CSMD1: variants seen among roughly 807,000 people sequenced by gnomAD.
The protein encoded by CSMD1 is CUB and sushi domain-containing protein 1.
CSMD1 carries 213 observed loss-of-function variants against 417.5 expected under a neutral mutation model. The observed-to-expected ratio is 0.51, with a 90% CI of 0.46 to 0.57. The LOEUF (loss-of-function observed/expected upper bound fraction) is 0.57, where lower values mean the gene tolerates loss of function less well. CSMD1 is among the 20% of genes least tolerant of loss of function. The pLI is 0.00. For synonymous variants in CSMD1, 2,862 were observed against 1,736.8 expected, an observed-to-expected ratio of 1.65 and a Z score of -16.11; for missense variants, 6,923 against 4,529.7, an observed-to-expected ratio of 1.53 and a Z score of -15.17.
chr8:4,773,384 T>G (rs369546600), intron 1 of CSMD1, among the ~76,000 whole-genome samples: 2 of 152,070 alleles, frequency 1.3e-5, no homozygotes, highest in African/African-American at 2.4e-5. Flanking sequence ...GACCAGAAAA[T>G]CCCAATAGCT....
In CSMD1 at chr8:3,087,110, C is replaced by T. The variant is rs781236891; in HGVS notation, c.7461G>A (p.Thr2487=). ...PLGMYQWDSL[T]PLCQAVSCGI... ...CGCATTTCTTACCCTGGCAGAGTGG[C>T]GTGAGGGAGTCCCACTGGTACATGC... The change falls in exon 49 of 70, where the codon ACG becomes ACA. Residue 2487 remains threonine (T), a synonymous_variant. Coordinates refer to ENST00000635120, the MANE Select transcript of CSMD1 (RefSeq NM_033225.6). The T allele has an allele frequency of 1.3e-5, 21 of 1,613,138 alleles. No homozygotes were observed. The highest frequency in any genetic ancestry group is 1.8e-4 in the Middle Eastern group (1 of 5,550).
chr8:3,315,162 A>G (rs559002191), intron 23 of CSMD1, among the ~76,000 whole-genome samples: 1 of 152,288 alleles, frequency 6.6e-6, no homozygotes, highest in South Asian at 2.1e-4. Context: ...CTCTCATGTG[A>G]AAAAAAGGGA....
intron 1 of CSMD1, among the ~76,000 whole-genome samples, chr8:4,789,734 T>C (rs1420621108): frequency 2.0e-5 from 3 of 152,198 alleles, no homozygotes; most frequent in Non-Finnish European, 4.4e-5. Context: ...TGTATAGCAA[T>C]GCTCCCAACA....
chr8:3,008,645 A>T (rs752449673), intron 52 of CSMD1, among the ~76,000 whole-genome samples: 3 of 152,106 alleles, frequency 2.0e-5, no homozygotes, highest in Non-Finnish European at 1.5e-5. Flanking sequence ...TGGGTGACCT[A>T]TGTTTTCTGG....
At chr8:3,926,631 A>T (rs1046007612) in intron 5 of CSMD1, among the ~76,000 whole-genome samples, 3 of 151,622 alleles carry the variant, frequency 2.0e-5, no homozygotes, top group Non-Finnish European at 4.4e-5. Flanking sequence ...TATGAAAAGC[A>T]TATTATTAGA....
At chr8:3,737,244 C>T (rs994336841) in intron 6 of CSMD1, among the ~76,000 whole-genome samples, 1 of 152,040 alleles carries the variant, frequency 6.6e-6, no homozygotes, top group Non-Finnish European at 1.5e-5. Context: ...TAGAGATAAG[C>T]CGATTGGGAG....
chr8:4,455,087 T>G (rs974845763), intron 2 of CSMD1, among the ~76,000 whole-genome samples: 1 of 152,074 alleles, frequency 6.6e-6, no homozygotes, highest in Non-Finnish European at 1.5e-5. Flanking sequence ...ATACAGGAAT[T>G]TTTTCTTAAG....
intron 3 of CSMD1, among the ~76,000 whole-genome samples, chr8:4,371,287 C>A (rs1489375604): frequency 6.6e-6 from 1 of 152,102 alleles, no homozygotes; most frequent in Non-Finnish European, 1.5e-5. Flanking sequence ...TGCGCCTCTG[C>A]TGGGCTGGAG....
At chr8:4,417,381 A>C (rs1797003116) in intron 3 of CSMD1, among the ~76,000 whole-genome samples, 1 of 151,964 alleles carries the variant, frequency 6.6e-6, no homozygotes, top group Non-Finnish European at 1.5e-5. Flanking sequence ...TGTCCGGATT[A>C]TGTTTATTCC....
chr8:3,163,412 AG>A (rs2129040847), intron 37 of CSMD1, among the ~76,000 whole-genome samples: 1 of 151,264 alleles, frequency 6.6e-6, no homozygotes, highest in East Asian at 2.0e-4. Flanking sequence ...GTTAATCAGA[AG>A]GAAAAAAAAA....
intron 1 of CSMD1, chr8:4,788,032 G>T (rs553012425): frequency 1.3e-6 from 2 of 1,589,360 alleles, no homozygotes; most frequent in Non-Finnish European, 1.7e-6. Context: ...ACTCCTGAAG[G>T]GCTCCAAATG....
chr8:4,313,529 C>T (rs935250814), intron 3 of CSMD1, among the ~76,000 whole-genome samples: 7 of 148,520 alleles, frequency 4.7e-5, no homozygotes, highest in Middle Eastern at 3.5e-3. Context: ...AAAAATCACG[C>T]GTAGGTCACA....
intron 11 of CSMD1, among the ~76,000 whole-genome samples, chr8:3,476,538 T>G (rs1353324030): frequency 6.6e-6 from 1 of 152,134 alleles, no homozygotes; most frequent in Non-Finnish European, 1.5e-5. Flanking sequence ...GCGGTACCAC[T>G]TGGCTTTTCC....
At chr8:4,262,627 CG>C (rs1235048359) in intron 3 of CSMD1, among the ~76,000 whole-genome samples, 7 of 152,106 alleles carry the variant, frequency 4.6e-5, no homozygotes, top group Non-Finnish European at 1.0e-4. Context: ...AAACAGCCAT[CG>C]CCACCCAGTT....
chr8:2,948,239 C>T (rs1802386588), intron 68 of CSMD1, among the ~76,000 whole-genome samples: 1 of 151,988 alleles, frequency 6.6e-6, no homozygotes, highest in African/African-American at 2.4e-5. Context: ...ATGCACAAAG[C>T]AATGCTTACG....
intron 7 of CSMD1, among the ~76,000 whole-genome samples, chr8:3,683,860 T>A (rs1230822629): frequency 2.0e-5 from 3 of 152,084 alleles, no homozygotes; most frequent in African/African-American, 7.2e-5. Flanking sequence ...TCATGAATGT[T>A]AAGCTCGCAG....
At chr8:4,250,101 C>G (rs947581280) in intron 3 of CSMD1, among the ~76,000 whole-genome samples, 2 of 152,164 alleles carry the variant, frequency 1.3e-5, no homozygotes, top group African/African-American at 4.8e-5. Context: ...CATGGGATGA[C>G]TCAGCAAGAA....
chr8:4,764,474 A>C (rs1563325616), intron 1 of CSMD1, among the ~76,000 whole-genome samples: 1 of 152,206 alleles, frequency 6.6e-6, no homozygotes, highest in Non-Finnish European at 1.5e-5. Context: ...TATTCTTAAA[A>C]GTATTAAGTC....
At chr8:3,355,924 A>G (rs979472605) in intron 21 of CSMD1, among the ~76,000 whole-genome samples, 5 of 152,200 alleles carry the variant, frequency 3.3e-5, no homozygotes, top group African/African-American at 9.7e-5. Flanking sequence ...TGAATACCCA[A>G]GGAATACATG....
Sources: allele counts gnomAD v4.1 joint callset (sites outside exome capture counted in the v4.1 genomes callset), GRCh38; gene constraint gnomAD v4.1.1; transcripts MANE v1.5; gene names NCBI Gene and HGNC (gene_info 2026-07-23, HGNC 2026-07-21).